Variants in AMMECR1 observed in about 807,000 individuals in gnomAD.
The protein encoded by AMMECR1 is AMMECR nuclear protein 1.
AMMECR1 carries 3 observed loss-of-function variants against 22.5 expected under a neutral mutation model. The ratio of observed to expected loss-of-function variants is 0.13; its 90% confidence interval spans 0.06 to 0.35. AMMECR1 has a LOEUF of 0.35. Among genes scored for constraint, AMMECR1 ranks in the 10% least tolerant of loss-of-function variants. The pLI is 1.00. For missense variants in AMMECR1, 235 were observed against 278.7 expected (o/e 0.84, Z 1.12); for synonymous variants, 130 against 116.7 (o/e 1.11, Z -0.74).
chrX:110,436,009 C>T (rs781303913), intron 1 of AMMECR1, among the ~76,000 whole-genome samples: 11 of 112,478 alleles, frequency 9.8e-5, no homozygotes, highest in Admixed American at 6.5e-4. Context: ...CAAAGCCTGC[C>T]GGTGTGGCTC....
chrX:110,383,984 T>G (rs2068437533), intron 2 of AMMECR1, among the ~76,000 whole-genome samples: 1 of 112,421 alleles, frequency 8.9e-6, no homozygotes, highest in South Asian at 3.7e-4. Context: ...AATAAGATGA[T>G]ACTTGTAAAA....
intron 2 of AMMECR1, among the ~76,000 whole-genome samples, chrX:110,402,139 C>T (rs2068569723): frequency 1.8e-5 from 2 of 112,579 alleles, no homozygotes; most frequent in African/African-American, 3.2e-5. Flanking sequence ...TGATTTGAAT[C>T]GGAAAACAGA....
At chrX:110,210,707 T>C (rs2067443969) in intron 3 of AMMECR1, among the ~76,000 whole-genome samples, 1 of 112,350 alleles carries the variant, frequency 8.9e-6, no homozygotes, top group Non-Finnish European at 1.9e-5. Context: ...ACCCTATTAT[T>C]AACTGCAACT....
chrX:110,433,816 G>A (rs1304766012), intron 1 of AMMECR1, among the ~76,000 whole-genome samples: 1 of 112,199 alleles, frequency 8.9e-6, no homozygotes, highest in Non-Finnish European at 1.9e-5. Context: ...TCTAACTACA[G>A]GACTTAGCAA....
intron 2 of AMMECR1, among the ~76,000 whole-genome samples, chrX:110,255,751 CAG>C (rs1214192736): frequency 9.0e-6 from 1 of 111,247 alleles, no homozygotes; most frequent in Non-Finnish European, 1.9e-5. Flanking sequence ...ATAAAAAAAA[CAG>C]AGTGTTAAAA....
chrX:110,247,358 C>T (rs961344731), intron 2 of AMMECR1, among the ~76,000 whole-genome samples: 4 of 111,888 alleles, frequency 3.6e-5, no homozygotes, highest in Admixed American at 1.9e-4. Context: ...GTGATTGAGA[C>T]CACCTTGGGC....
chrX:110,411,974 T>A (rs1192820407), intron 2 of AMMECR1, among the ~76,000 whole-genome samples: 1 of 112,514 alleles, frequency 8.9e-6, no homozygotes, highest in Non-Finnish European at 1.9e-5. Flanking sequence ...AATGAGAAGA[T>A]AATGAACAAT....
At chrX:110,324,570 A>T (rs1351788318) in intron 2 of AMMECR1, among the ~76,000 whole-genome samples, 2 of 110,466 alleles carry the variant, frequency 1.8e-5, no homozygotes, top group Non-Finnish European at 3.8e-5. Flanking sequence ...TTCTAGCATT[A>T]AGTATGATGT....
Position 110,196,214 on chromosome X carries a change from C to A in AMMECR1, c.*2306G>T, listed in dbSNP as rs1399030565. The A allele has an allele frequency of 9.0e-6, 1 of 111,325 alleles. No homozygotes were observed. Among genetic ancestry groups the A allele is most frequent in the African/African-American group, 3.3e-5 (1 of 30,628 alleles). The allele number at this position is 111,325 out of a possible 1,213,427, so 9.2% of individuals were successfully genotyped here. ...ATGTGTAAGTATATGTACACACACACATCTATGTATGTAATAAATCTTTGC... is the reference window on the plus strand; with the variant it reads ...ATGTGTAAGTATATGTACACACACAAATCTATGTATGTAATAAATCTTTGC... On this transcript the variant is annotated 3_prime_UTR_variant, in exon 6 of 6. Transcript: ENST00000262844.
At chrX:110,352,950 AAAT>A (rs1355755911) in intron 2 of AMMECR1, among the ~76,000 whole-genome samples, 2 of 112,524 alleles carry the variant, frequency 1.8e-5, no homozygotes, top group Non-Finnish European at 3.8e-5. Context: ...ATTCTGGTAG[AAAT>A]AATAACAAAA....
intron 3 of AMMECR1, among the ~76,000 whole-genome samples, chrX:110,211,352 C>G (rs1448187776): frequency 8.9e-6 from 1 of 112,140 alleles, no homozygotes; most frequent in Non-Finnish European, 1.9e-5. Context: ...TGAAAATGAG[C>G]ACCTATGAGG....
intron 2 of AMMECR1, among the ~76,000 whole-genome samples, chrX:110,247,404 A>G (rs971407448): frequency 1.5e-4 from 17 of 111,804 alleles, no homozygotes; most frequent in Non-Finnish European, 3.2e-4. Flanking sequence ...AAAAATACAA[A>G]AATTGGCCAT....
intron 2 of AMMECR1, among the ~76,000 whole-genome samples, chrX:110,379,462 C>G (rs1262356642): frequency 8.9e-6 from 1 of 112,506 alleles, no homozygotes; most frequent in Non-Finnish European, 1.9e-5. Flanking sequence ...ATGGCAGCCT[C>G]TCATGGCTTT....
Position 110,201,222 on chromosome X carries a change from C to G in AMMECR1, c.791-172G>C, listed in dbSNP as rs2067395477. Among the ~76,000 whole-genome samples the G allele has an allele frequency of 3.6e-5, 4 of 112,165 alleles. No individual in the cohort carries two copies. The South Asian group carries it at 1.5e-3, about 41-fold the overall frequency. Reference sequence around the variant, plus strand: ...GCTAAGATTTCATCCTTTACAAAAGCAGGGTCATCACCACACTCCTTAAAT... The same window carrying G: ...GCTAAGATTTCATCCTTTACAAAAGGAGGGTCATCACCACACTCCTTAAAT... On this transcript the variant is annotated intron_variant, in intron 4 of 5. Coordinates refer to ENST00000262844, the MANE Select transcript of AMMECR1 (RefSeq NM_015365.3).
chrX:110,339,973 TACACACACAC>T (rs35459612), intron 2 of AMMECR1, among the ~76,000 whole-genome samples: 22 of 78,796 alleles, frequency 2.8e-4, no homozygotes, highest in Middle Eastern at 7.1e-3. Context: ...AGGCAAAACA[TACACACACAC>T]ACACACACAC....
At chrX:110,402,060 C>A (rs2068569026) in intron 2 of AMMECR1, among the ~76,000 whole-genome samples, 1 of 112,205 alleles carries the variant, frequency 8.9e-6, no homozygotes, top group Admixed American at 9.4e-5. Context: ...CTTTGGCAAC[C>A]CTCTGTCCCA....
At chrX:110,335,120 G>A (rs946475494) in intron 2 of AMMECR1, among the ~76,000 whole-genome samples, 2 of 111,489 alleles carry the variant, frequency 1.8e-5, no homozygotes, top group Non-Finnish European at 3.8e-5. Flanking sequence ...TGTAAAATGG[G>A]GGTAATAATA....
At chrX:110,315,315 G>A (rs758443449) in intron 1 of AMMECR1, among the ~76,000 whole-genome samples, 3 of 111,981 alleles carry the variant, frequency 2.7e-5, no homozygotes, top group Non-Finnish European at 3.8e-5. Context: ...TTCCACTTAA[G>A]TGAACTTTCA....
At chrX:110,416,939 C>T (rs1046667981) in intron 2 of AMMECR1, among the ~76,000 whole-genome samples, 1 of 112,050 alleles carries the variant, frequency 8.9e-6, no homozygotes, top group African/African-American at 3.2e-5. Context: ...AGCTTTCTCC[C>T]GATATCTTCA....
Sources: gnomAD v4.1 joint callset for allele counts (sites outside exome capture counted in the v4.1 genomes callset) on GRCh38, gnomAD v4.1.1 for gene constraint, MANE v1.5 for transcripts, NCBI Gene and HGNC (gene_info 2026-07-23, HGNC 2026-07-21) for gene names.